Variants in NF1 observed in about 807,000 individuals in gnomAD.
NF1 encodes neurofibromin.
In NF1, 122 loss-of-function variants were observed where a neutral mutation model predicts 325.7. That is an observed-to-expected ratio of 0.37 (90% CI 0.32 to 0.44). NF1 has a LOEUF of 0.44. Ranked by LOEUF, NF1 falls within the 20% of genes least tolerant of loss-of-function variation. The probability of loss-of-function intolerance (pLI) is 1.00; values close to 1 mark genes in which losing one functional copy is unlikely to be tolerated. For missense variants in NF1, 2,140 were observed against 3,415.4 expected, an observed-to-expected ratio of 0.63 and a Z score of 9.31; for synonymous variants, 1,091 against 1,186.0, an observed-to-expected ratio of 0.92 and a Z score of 1.65.
chr17:31,176,991 C>T (rs2066035373), intron 5 of NF1, among the ~76,000 whole-genome samples: 1 of 152,140 alleles, frequency 6.6e-6, no homozygotes, highest in Non-Finnish European at 1.5e-5. Context: ...TATGCGGGCT[C>T]TTTTCTGGTT....
In NF1 at chr17:31,356,545, C is replaced by T. The variant is rs747806648; in HGVS notation, c.7701C>T (p.Pro2567=). 3 of 1,613,688 alleles carry T rather than the reference C, an allele frequency of 1.9e-6. No individual in the cohort carries two copies. The highest frequency in any genetic ancestry group is 1.7e-6 in the Non-Finnish European group (2 of 1,179,792). ...TGGAATCAGGGATCACAACACCCCCCAAAATGAGGAGAGTAGCAGAAACTG... is the reference window on the plus strand; with the variant it reads ...TGGAATCAGGGATCACAACACCCCCTAAAATGAGGAGAGTAGCAGAAACTG... ...QEMESGITTP[P]KMRRVAETDY... is the part of the protein sequence containing the mutation. The change falls in exon 52 of 58, where the codon CCC becomes CCT. Residue 2567 remains proline (P), a synonymous_variant. Transcript: ENST00000358273.
chr17:31,226,752 G>A (rs2151426364), intron 18 of NF1, 68 bp downstream of exon 18: 2 of 1,596,940 alleles, frequency 1.3e-6, no homozygotes, highest in South Asian at 2.2e-5. Flanking sequence ...TTTTGAGAAT[G>A]TATTTAAGGT....
chr17:31,209,800 C>T (rs1023769319), intron 12 of NF1, among the ~76,000 whole-genome samples: 1 of 152,010 alleles, frequency 6.6e-6, no homozygotes, highest in Non-Finnish European at 1.5e-5. Context: ...TTACAGGTGC[C>T]CACCATCATG....
Position 31,249,080 on chromosome 17 carries a change from C to A in NF1, c.4071C>A (p.Phe1357Leu). 6.2e-7 allele frequency: 1 copy of A among 1,613,936 alleles called. No homozygotes were observed. The highest frequency in any genetic ancestry group is 8.5e-7 in the Non-Finnish European group (1 of 1,179,872). Residue 1357 changes from phenylalanine (F) to leucine (L), a missense_variant, in exon 30 of 58, where the codon TTC becomes TTA. By Grantham distance (22) the Phe-to-Leu change is conservative (BLOSUM62 0). Coordinates refer to ENST00000358273, the MANE Select transcript of NF1 (RefSeq NM_001042492.3). The stretch of plus-strand genomic sequence containing the variant: ...CCATCATCAGTTCCTCCTCAGAATT[C>A]CCCCCTCAACTTCGAAGTGTGTGCC... Reference protein sequence around the residue: ...FHAIISSSSEFPPQLRSVCHC... With the variant: ...FHAIISSSSELPPQLRSVCHC...
rs925210592 is a variant in NF1 at position 31,221,589 on chromosome 17, C to T, written c.1642-261C>T. The stretch of plus-strand genomic sequence containing the variant: ...CAGTTTTTACAGTTATATATTGTTC[C>T]GAATTCATCATTTAGCTTTATATGT... On this transcript the variant is annotated intron_variant, in intron 14 of 57. Coordinates refer to ENST00000358273, the MANE Select transcript of NF1 (RefSeq NM_001042492.3). Among the ~76,000 whole-genome samples, 52 of 151,950 alleles carry T rather than the reference C, an allele frequency of 3.4e-4. 1 individual carries two copies. Among genetic ancestry groups the T allele is most frequent in the South Asian group, 2.1e-4 (1 of 4,812 alleles).
intron 8 of NF1, among the ~76,000 whole-genome samples, chr17:31,196,509 C>T (rs1168373378): frequency 2.6e-5 from 4 of 152,104 alleles, no homozygotes; most frequent in South Asian, 2.1e-4. Flanking sequence ...TTGATAGTGT[C>T]GTTTGATACA....
chr17:31,227,024 A>G (rs1187853785), intron 18 of NF1, among the ~76,000 whole-genome samples, 194 bp from the exon 19 acceptor site: 2 of 152,188 alleles, frequency 1.3e-5, no homozygotes, highest in African/African-American at 4.8e-5. Flanking sequence ...GGGAATAGCT[A>G]TTTTATTCTG....
chr17:31,281,707 C>T (rs1043332516), intron 36 of NF1, among the ~76,000 whole-genome samples: 5 of 152,056 alleles, frequency 3.3e-5, no homozygotes, highest in Admixed American at 6.6e-5. Flanking sequence ...TGACTCTGAC[C>T]CCCTAGGCAA....
At chr17:31,128,007 TCA>T (rs1384471254) in intron 1 of NF1, among the ~76,000 whole-genome samples, 1 of 152,126 alleles carries the variant, frequency 6.6e-6, no homozygotes, top group Non-Finnish European at 1.5e-5. Context: ...AGTGGCGCAA[TCA>T]CAGTTCACTG....
In NF1 at chr17:31,356,986, C is replaced by T. The variant is rs1555536689; in HGVS notation, c.7765C>T (p.Gln2589Ter). ...AACTCAGAGGATTTCCTCATCACAA[C>T]AGCACCCACATTTACGTAAAGTTTC... ...METQRISSSQ[Q>*]HPHLRKVSVS... The change falls in exon 53 of 58, where the codon CAG (glutamine) becomes TAG (stop). Residue 2589 changes from glutamine to a stop codon, truncating the protein, a stop_gained. Transcript: ENST00000358273. LOFTEE classifies it high-confidence loss of function. The T allele has an allele frequency of 6.2e-7, 1 of 1,613,936 alleles. No individual in the cohort carries two copies. The highest frequency in any genetic ancestry group is 1.7e-5 in the Admixed American group (1 of 60,020).
rs786201768 is a variant in NF1 at position 31,226,475 on chromosome 17, G to A, written c.2042G>A (p.Arg681Gln). 5 of 1,613,738 alleles carry A rather than the reference G, an allele frequency of 3.1e-6. No individual in the cohort carries two copies. Among genetic ancestry groups the A allele is most frequent in the East Asian group, 4.5e-5 (2 of 44,882 alleles). ...TGCAGCGGAACCCCCCCGATTTGCC[G>A]ACAAGCCCAGACCAAACTAGAAGTG... is the stretch of plus-strand genomic sequence containing the variant. ...AGCSGTPPIC[R>Q]QAQTKLEVAL... The change falls in exon 18 of 58, where the codon CGA becomes CAA. Residue 681 changes from arginine (R) to glutamine (Q), a missense_variant. Transcript: ENST00000358273.
intron 1 of NF1, among the ~76,000 whole-genome samples, chr17:31,123,653 G>C (rs1914625981): frequency 6.6e-6 from 1 of 152,166 alleles, no homozygotes; most frequent in African/African-American, 2.4e-5. Flanking sequence ...TGAAATGTTA[G>C]CTAAAATGAT....
At position 31,260,441 on chromosome 17, in the gene NF1, C is replaced by T. The variant is rs577394398; in HGVS notation, c.4503C>T (p.Asp1501=). The change falls in exon 34 of 58, where the codon GAC becomes GAT. Residue 1501 remains aspartate, a synonymous_variant. Coordinates refer to ENST00000358273, the MANE Select transcript of NF1 (RefSeq NM_001042492.3). ...AVNHSLSFIS[D]GNVLALHRLL... ...ATCATAGTCTTTCCTTCATAAGTGA[C>T]GGCAATGTGCTTGCTTTACATCGTC... The T allele has an allele frequency of 3.0e-5, 49 of 1,613,752 alleles. 1 individual carries two copies. Among genetic ancestry groups the T allele is most frequent in the Admixed American group, 1.7e-4 (10 of 59,982 alleles).
chr17:31,162,899 G>A (rs913068156), intron 3 of NF1, among the ~76,000 whole-genome samples: 7 of 152,106 alleles, frequency 4.6e-5, no homozygotes, highest in Non-Finnish European at 8.8e-5. Flanking sequence ...GGAAGGGCTC[G>A]TTTGGTGAAC....
chr17:31,163,884 CAAAACA>C (rs1159486758), intron 4 of NF1, among the ~76,000 whole-genome samples: 3 of 151,746 alleles, frequency 2.0e-5, no homozygotes, highest in South Asian at 2.1e-4. Flanking sequence ...TACCAAAAAA[CAAAACA>C]AAAACAAAAA....
chr17:31,296,346 A>G (rs1157575490), intron 36 of NF1: 1 of 1,613,954 alleles, frequency 6.2e-7, no homozygotes, highest in Non-Finnish European at 8.5e-7. Context: ...GCCTAGAAAC[A>G]AACAGATACA....
intron 1 of NF1, among the ~76,000 whole-genome samples, chr17:31,116,858 TAG>T (rs1913961786): frequency 1.3e-5 from 2 of 150,570 alleles, no homozygotes; most frequent in African/African-American, 4.9e-5. Flanking sequence ...TTTTTTTTTT[TAG>T]TAGAGACAGG....
At chr17:31,177,709 A>G (rs978746024) in intron 5 of NF1, among the ~76,000 whole-genome samples, 4 of 152,008 alleles carry the variant, frequency 2.6e-5, no homozygotes, top group African/African-American at 9.7e-5. Context: ...CAGCATGAGA[A>G]CTTCGTGAAG....
In NF1 at chr17:31,375,004, T is replaced by A. The variant is rs1480583448; in HGVS notation, c.*849T>A. The A allele has an allele frequency of 5.4e-6, 1 of 185,258 alleles. No homozygotes were observed. The highest frequency in any genetic ancestry group is 1.0e-5 in the Non-Finnish European group (1 of 98,624). 11.5% of individuals were successfully genotyped at this position (185,258 alleles called of 1,614,324 possible). On this transcript the variant is annotated 3_prime_UTR_variant, in exon 58 of 58. Transcript: ENST00000358273. ...TTTTGTAAACCAAAACTATACTAAG[T>A]ATAGTAATTATATATATATATATAT...
Sources: gnomAD v4.1 joint callset for allele counts (sites outside exome capture counted in the v4.1 genomes callset) on GRCh38, gnomAD v4.1.1 for gene constraint, MANE v1.5 for transcripts, NCBI Gene and HGNC (gene_info 2026-07-23, HGNC 2026-07-21) for gene names.